The following R3HDM2 variants were observed in gnomAD, a reference collection of about 807,000 sequenced individuals.
R3HDM2 encodes the protein R3H domain-containing protein 2.
R3HDM2 carries 38 observed loss-of-function variants against 124.5 expected under a neutral mutation model. The ratio of observed to expected loss-of-function variants is 0.31; its 90% CI spans 0.24 to 0.40. The LOEUF (loss-of-function observed/expected upper bound fraction) is 0.40, where lower values mean the gene tolerates loss of function less well. Ranked by LOEUF, R3HDM2 falls within the 10% of genes least tolerant of loss-of-function variation. The pLI is 1.00. For missense variants in R3HDM2, 869 were observed against 1,236.9 expected, an observed-to-expected ratio of 0.70 and a Z score of 4.46; for synonymous variants, 391 against 448.0, an observed-to-expected ratio of 0.87 and a Z score of 1.61.
At chr12:57,307,122 T>C (rs2052785850) in intron 3 of R3HDM2, among the ~76,000 whole-genome samples, 1 of 152,228 alleles carries the variant, frequency 6.6e-6, no homozygotes. Context: ...ATGCAAAAGA[T>C]GTTCTGAGTT....
chr12:57,360,006 A>AATAAATATATATATATATATAT (rs1403496780), intron 2 of R3HDM2, among the ~76,000 whole-genome samples: 6 of 117,662 alleles, frequency 5.1e-5, no homozygotes, highest in African/African-American at 1.5e-4. Context: ...TAAATAAATA[A>AATAAATATATATATATATATAT]ATATATATAT....
At chr12:57,403,268 T>C (rs2068212617) in intron 1 of R3HDM2, among the ~76,000 whole-genome samples, 1 of 151,728 alleles carries the variant, frequency 6.6e-6, no homozygotes, top group South Asian at 2.1e-4. Context: ...CCGAGGTAGG[T>C]GGATCACGAA....
intron 2 of R3HDM2, among the ~76,000 whole-genome samples, chr12:57,356,102 G>T (rs1273412289): frequency 6.6e-6 from 1 of 152,032 alleles, no homozygotes; most frequent in Admixed American, 6.6e-5. Flanking sequence ...TCAGTACTAT[G>T]TTGAAAAGAA....
At chr12:57,416,082 G>C (rs1290375617) in intron 1 of R3HDM2, among the ~76,000 whole-genome samples, 1 of 152,152 alleles carries the variant, frequency 6.6e-6, no homozygotes. Context: ...TAATGGTATT[G>C]TGGAAAACAC....
At chr12:57,319,395 C>G (rs538324106) in intron 2 of R3HDM2, among the ~76,000 whole-genome samples, 1 of 152,248 alleles carries the variant, frequency 6.6e-6, no homozygotes, top group African/African-American at 2.4e-5. Flanking sequence ...TCATTAGTAA[C>G]TGTGAAAAAT....
chr12:57,300,181 A>G lies in R3HDM2; in HGVS notation c.208T>C (p.Ser70Pro), dbSNP rs2050804440. The change falls in exon 5 of 24, where the codon TCT (serine) becomes CCT (proline). Residue 70 changes from serine (S) to proline (P), a missense_variant and splice_region_variant. Ser to Pro is a moderately conservative substitution (Grantham distance 74). Coordinates refer to ENST00000402412, the MANE Select transcript of R3HDM2 (RefSeq NM_001394031.1). Reference sequence around the variant, plus strand: ...CGCACCAACTTTAGCTTGGAATTAGACTGAAAAAAACAAAAAACAATTTTC... The same window carrying G: ...CGCACCAACTTTAGCTTGGAATTAGGCTGAAAAAAACAAAAAACAATTTTC... ...NHGHARKRAK[S>P]NSKLKLVRSL... 6.4e-7 allele frequency: 1 copy of G among 1,550,916 alleles called. No individual in the cohort carries two copies. The highest frequency in any genetic ancestry group is 8.7e-7 in the Non-Finnish European group (1 of 1,146,434).
At chr12:57,323,084 T>C (rs773005822) in intron 2 of R3HDM2, among the ~76,000 whole-genome samples, 5 of 152,126 alleles carry the variant, frequency 3.3e-5, no homozygotes, top group Non-Finnish European at 7.4e-5. Context: ...AATAAAGATA[T>C]CAACACTCAG....
At chr12:57,398,560 C>G (rs2067782557) in intron 1 of R3HDM2, among the ~76,000 whole-genome samples, 1 of 151,762 alleles carries the variant, frequency 6.6e-6, no homozygotes, top group African/African-American at 2.4e-5. Context: ...GTGATCTCGG[C>G]TCACTGCAAC....
intron 1 of R3HDM2, among the ~76,000 whole-genome samples, chr12:57,412,048 T>C (rs992504856): frequency 6.6e-6 from 1 of 152,204 alleles, no homozygotes. Context: ...TAATTTTAAG[T>C]TTCCTGAGGC....
At chr12:57,282,710 T>C (rs2046457950) in intron 13 of R3HDM2, among the ~76,000 whole-genome samples, 1 of 151,486 alleles carries the variant, frequency 6.6e-6, no homozygotes, top group South Asian at 2.1e-4. Context: ...AGTAGAGATA[T>C]CAGTTTGGGC....
intron 2 of R3HDM2, among the ~76,000 whole-genome samples, chr12:57,327,023 C>T (rs1431402093): frequency 6.6e-6 from 1 of 152,006 alleles, no homozygotes; most frequent in Non-Finnish European, 1.5e-5. Context: ...TATTACTGCT[C>T]ATTGACATTG....
intron 2 of R3HDM2, among the ~76,000 whole-genome samples, chr12:57,313,025 A>C (rs1207297676): frequency 6.6e-6 from 1 of 152,158 alleles, no homozygotes; most frequent in Non-Finnish European, 1.5e-5. Flanking sequence ...ACTGACTACA[A>C]ACTTCCATTT....
intron 2 of R3HDM2, among the ~76,000 whole-genome samples, chr12:57,357,148 A>G (rs151050694): frequency 8.2e-4 from 117 of 142,170 alleles, no homozygotes; most frequent in African/African-American, 3.0e-3. Flanking sequence ...AAATAGTAAA[A>G]TTTATTGACA....
At chr12:57,387,483 T>C (rs1193156727) in intron 2 of R3HDM2, among the ~76,000 whole-genome samples, 1 of 152,160 alleles carries the variant, frequency 6.6e-6, no homozygotes, top group Non-Finnish European at 1.5e-5. Context: ...ACCCACCAAT[T>C]CTGGACAAAG....
chr12:57,395,870 T>G (rs1045614643), intron 1 of R3HDM2, 52 bp from the exon 2 acceptor site: 6 of 828,616 alleles, frequency 7.2e-6, no homozygotes, highest in Non-Finnish European at 8.7e-6. Flanking sequence ...TTTTAAACCT[T>G]AATATATTAG....
At chr12:57,324,813 G>A (rs1038375371) in intron 2 of R3HDM2, among the ~76,000 whole-genome samples, 4 of 152,178 alleles carry the variant, frequency 2.6e-5, no homozygotes, top group African/African-American at 4.8e-5. Context: ...CCCAGTTCCC[G>A]TGTTAAAGTC....
At chr12:57,380,614 G>T (rs964457107) in intron 2 of R3HDM2, among the ~76,000 whole-genome samples, 3 of 152,096 alleles carry the variant, frequency 2.0e-5, no homozygotes, top group Non-Finnish European at 4.4e-5. Context: ...TACAACAAAA[G>T]ACATCATCTT....
At chr12:57,400,489 G>A (rs1472420738) in intron 1 of R3HDM2, among the ~76,000 whole-genome samples, 1 of 152,062 alleles carries the variant, frequency 6.6e-6, no homozygotes, top group Non-Finnish European at 1.5e-5. Context: ...CGTAAATGAC[G>A]AGTTAATGGG....
At chr12:57,336,853 A>C (rs1177977398) in intron 2 of R3HDM2, among the ~76,000 whole-genome samples, 1 of 152,096 alleles carries the variant, frequency 6.6e-6, no homozygotes, top group Non-Finnish European at 1.5e-5. Flanking sequence ...TATGGAATAG[A>C]ACAAAGGTTT....
Sources: allele counts gnomAD v4.1 joint callset (sites outside exome capture counted in the v4.1 genomes callset), GRCh38; gene constraint gnomAD v4.1.1; transcripts MANE v1.5; gene names NCBI Gene and HGNC (gene_info 2026-07-23, HGNC 2026-07-21).